Variants in CCAR2 observed in about 807,000 individuals in gnomAD.
CCAR2 encodes the protein cell cycle and apoptosis regulator protein 2.
CCAR2 carries 21 observed loss-of-function variants against 108.1 expected under a neutral mutation model. The ratio of observed to expected loss-of-function variants is 0.19; its 90% confidence interval spans 0.14 to 0.28. The LOEUF (loss-of-function observed/expected upper bound fraction) is 0.28. CCAR2 is among the 10% of genes least tolerant of loss of function. The probability of loss-of-function intolerance (pLI) is 1.00; values close to 1 mark genes in which losing one functional copy is unlikely to be tolerated. For missense variants in CCAR2, 1,126 were observed against 1,177.0 expected (o/e 0.96, Z 0.63); for synonymous variants, 577 against 472.8 (o/e 1.22, Z -2.86).
Position 22,614,409 on chromosome 8 carries a change from C to T in CCAR2, c.947C>T (p.Pro316Leu), listed in dbSNP as rs140105800. Residue 316 changes from proline (P) to leucine (L), a missense_variant, in exon 10 of 21, where the codon CCG becomes CTG. By Grantham distance (98) the Pro-to-Leu change is moderately conservative. Around this residue, in one of 4 missense-constraint regions of CCAR2, gnomAD observed 1,013 missense variants for 993.9 expected, o/e 1.02. Transcript: ENST00000308511. ...GCACAGGTACTGCTGCTCTCTTCCCCGGGGTTGGAGGAATTGTATCGTTGT... is the reference window on the plus strand; with the variant it reads ...GCACAGGTACTGCTGCTCTCTTCCCTGGGGTTGGAGGAATTGTATCGTTGT... ...YSSKVLLLSSPGLEELYRCCM... is the reference protein window; with the variant it reads ...YSSKVLLLSSLGLEELYRCCM... 4 of 1,614,044 alleles carry T rather than the reference C, an allele frequency of 2.5e-6. No homozygotes were observed. The highest frequency in any genetic ancestry group is 1.3e-5 in the African/African-American group (1 of 74,918).
chr8:22,611,914 T>A (rs1046484475), intron 7 of CCAR2, among the ~76,000 whole-genome samples: 1 of 151,978 alleles, frequency 6.6e-6, no homozygotes, highest in Non-Finnish European at 1.5e-5. Context: ...ATGACTTTAA[T>A]GTGTATTATT....
chr8:22,614,990 C>T lies in CCAR2; in HGVS notation c.1194C>T (p.Gly398=), dbSNP rs1431898325. 1.3e-6 allele frequency: 2 copies of T among 1,580,494 alleles called. No individual in the cohort carries two copies. Among genetic ancestry groups the T allele is most frequent in the Admixed American group, 3.7e-5 (2 of 54,778 alleles). ...AQAQTGIDLS[G]CTKWWRFAEF... is the part of the protein sequence containing the mutation. Reference sequence around the variant, plus strand: ...CCCAGACTGGCATTGATTTGAGCGGCTGTACCAAGTGGTGAGTGGGCTTCC... The same window carrying T: ...CCCAGACTGGCATTGATTTGAGCGGTTGTACCAAGTGGTGAGTGGGCTTCC... The change falls in exon 11 of 21, where the codon GGC becomes GGT. Residue 398 remains glycine (G), a synonymous_variant. Transcript: ENST00000308511.
intron 3 of CCAR2, 150 bp downstream of exon 3, chr8:22,606,326 G>C (rs1274542986): frequency 1.4e-6 from 1 of 727,202 alleles, no homozygotes; most frequent in Non-Finnish European, 2.3e-6. Flanking sequence ...ATAGCCTTCA[G>C]ACTGGGGCAT....
chr8:22,617,469 A>C lies in CCAR2; in HGVS notation c.1895A>C (p.Glu632Ala), dbSNP rs757612519. Reference protein sequence around the residue: ...PKPLSSGGEEEEKPRGEASED... With the variant: ...PKPLSSGGEEAEKPRGEASED... Reference sequence around the variant, plus strand: ...CCACTCTCTTCTGGGGGAGAGGAAGAAGAAAAACCCCGGGGCGAGGCTTCT... The same window carrying C: ...CCACTCTCTTCTGGGGGAGAGGAAGCAGAAAAACCCCGGGGCGAGGCTTCT... Residue 632 changes from glutamate (E) to alanine (A), a missense_variant, in exon 15 of 21, where the codon GAA (glutamate) becomes GCA (alanine). Glu to Ala is a moderately radical substitution (Grantham distance 107). Coordinates refer to ENST00000308511, the MANE Select transcript of CCAR2 (RefSeq NM_001393997.1). 6.2e-7 allele frequency: 1 copy of C among 1,601,898 alleles called. No individual in the cohort carries two copies. Among genetic ancestry groups the C allele is most frequent in the South Asian group, 1.1e-5 (1 of 89,270 alleles).
intron 7 of CCAR2, among the ~76,000 whole-genome samples, chr8:22,611,096 C>G (rs1006612411): frequency 6.6e-6 from 1 of 151,804 alleles, no homozygotes; most frequent in Non-Finnish European, 1.5e-5. Flanking sequence ...CGCGGTGGCT[C>G]ATGCCTGTAA....
At chr8:22,612,968 T>C (rs781681777) in intron 7 of CCAR2, 49 bp from the exon 8 acceptor site, 1 of 1,558,988 alleles carries the variant, frequency 6.4e-7, no homozygotes, top group Non-Finnish European at 8.7e-7. Flanking sequence ...TTGTATTGAA[T>C]ACATATAACA....
In CCAR2 at chr8:22,607,991, C is replaced by T; in HGVS notation, c.510C>T (p.Ser170=). 2 of 1,614,028 alleles carry T rather than the reference C, an allele frequency of 1.2e-6. No homozygotes were observed. Among genetic ancestry groups the T allele is most frequent in the South Asian group, 2.2e-5 (2 of 91,076 alleles). The change falls in exon 7 of 21, where the codon TCC becomes TCT. Residue 170 remains serine (S), a synonymous_variant. Coordinates refer to ENST00000308511, the MANE Select transcript of CCAR2 (RefSeq NM_001393997.1). ...PQKPLSLFQT[S]HTLHLSHLNR... The stretch of plus-strand genomic sequence containing the variant: ...CAGCTCTGAGTCTCTTCCAAACATC[C>T]CACACACTTCACCTGAGCCACCTGA...
rs747592725 is a variant in CCAR2 at position 22,617,481 on chromosome 8, G to A, written c.1907G>A (p.Arg636Gln). ...GGGGGAGAGGAAGAAGAAAAACCCC[G>A]GGGCGAGGCTTCTGAGGACCTGTGT... Reference protein sequence around the residue: ...SSGGEEEEKPRGEASEDLCEM... With the variant: ...SSGGEEEEKPQGEASEDLCEM... Residue 636 changes from arginine (R) to glutamine (Q), a missense_variant, in exon 15 of 21, where the codon CGG becomes CAG. Around this residue, in one of 4 missense-constraint regions of CCAR2, gnomAD observed 1,013 missense variants for 993.9 expected, o/e 1.02. Transcript: ENST00000308511. 5.6e-6 allele frequency: 9 copies of A among 1,604,520 alleles called. No homozygotes were observed. Among genetic ancestry groups the A allele is most frequent in the Admixed American group, 1.7e-5 (1 of 58,038 alleles).
chr8:22,615,755 C>G lies in CCAR2; in HGVS notation c.1451C>G (p.Thr484Ser), dbSNP rs1801478045. ...AADTSRRNAE[T>S]PEATTQQETD... ...GACACTTCTAGACGGAACGCAGAAACTCCAGAGGCCACCACACAGCAGGAA... is the reference window on the plus strand; with the variant it reads ...GACACTTCTAGACGGAACGCAGAAAGTCCAGAGGCCACCACACAGCAGGAA... The change falls in exon 13 of 21, where the codon ACT (threonine) becomes AGT (serine). Residue 484 changes from threonine (T) to serine (S), a missense_variant. Around this residue, in one of 4 missense-constraint regions of CCAR2, gnomAD observed 1,013 missense variants for 993.9 expected, o/e 1.02. Coordinates refer to ENST00000308511, the MANE Select transcript of CCAR2 (RefSeq NM_001393997.1). 6.2e-7 allele frequency: 1 copy of G among 1,613,814 alleles called. No homozygotes were observed. The highest frequency in any genetic ancestry group is 8.5e-7 in the Non-Finnish European group (1 of 1,180,028).
chr8:22,618,727 C>T lies in CCAR2; in HGVS notation c.2331C>T (p.Phe777=), dbSNP rs142871313. The T allele has an allele frequency of 4.6e-5, 74 of 1,613,946 alleles. No homozygotes were observed. The highest frequency in any genetic ancestry group is 1.7e-4 in the African/African-American group (13 of 75,060). Residue 777 remains phenylalanine, a splice_region_variant and synonymous_variant, in exon 18 of 21, where the codon TTC becomes TTT. Transcript: ENST00000308511. The part of the protein sequence containing the change: ...LDGGLPEEVL[F]GNLDLLPPPG... ...GTGGCCTTCCCGAGGAGGTGCTCTT[C>T]GGTATGTTCTGGGGCCCTGCAGCCT...
chr8:22,612,532 C>T lies in CCAR2; in HGVS notation c.585-485C>T, dbSNP rs996703564. On this transcript the variant is annotated intron_variant, in intron 7 of 20. Coordinates refer to ENST00000308511, the MANE Select transcript of CCAR2 (RefSeq NM_001393997.1). ...CTGCCCGCCTTGGCCTCCCAAAGTG[C>T]TGGGATCACAGGCGTGAGCCACCGC... Among the ~76,000 whole-genome samples the T allele has an allele frequency of 3.3e-5, 5 of 152,316 alleles. No individual in the cohort carries two copies. The South Asian group carries it at 6.2e-4, about 19-fold the overall frequency.
chr8:22,610,430 G>T, intron 7 of CCAR2, among the ~76,000 whole-genome samples: 1 of 152,232 alleles, frequency 6.6e-6, no homozygotes, highest in Non-Finnish European at 1.5e-5. Flanking sequence ...TGAGAGGTCA[G>T]CCCCTGGTGC....
rs772630617 is a variant in CCAR2 at position 22,618,394 on chromosome 8, C to T, written c.2119C>T (p.Leu707Phe). The part of the protein sequence containing the change: ...PSAVLPLDCL[L>F]AFVFFDANWC... ...TGCTGTGCTCCCCTTAGACTGTCTG[C>T]TTGCTTTTGTGTTCTTTGATGCCAA... The change falls in exon 17 of 21, where the codon CTT becomes TTT. Residue 707 changes from leucine (L) to phenylalanine (F), a missense_variant. Leu to Phe is a conservative substitution (Grantham distance 22, BLOSUM62 0). Around this residue, in one of 4 missense-constraint regions of CCAR2, gnomAD observed 1,013 missense variants for 993.9 expected, o/e 1.02. Transcript: ENST00000308511. 1.2e-6 allele frequency: 2 copies of T among 1,614,218 alleles called. No individual in the cohort carries two copies. The highest frequency in any genetic ancestry group is 8.5e-7 in the Non-Finnish European group (1 of 1,180,032).
chr8:22,604,836 C>T lies in CCAR2; in HGVS notation c.-45C>T, dbSNP rs952472116. On this transcript the variant is annotated 5_prime_UTR_variant, in exon 1 of 21. Coordinates refer to ENST00000308511, the MANE Select transcript of CCAR2 (RefSeq NM_001393997.1). ...TGTCCCCCCGGTGTCGCTGCCCTGG[C>T]CCGCAGGTGGGTTGGGGGGCCCCCT... The T allele has an allele frequency of 1.1e-5, 5 of 454,084 alleles. No homozygotes were observed. The highest frequency in any genetic ancestry group is 8.0e-5 in the African/African-American group (4 of 49,950). 28.1% of individuals were successfully genotyped at this position (454,084 alleles called of 1,614,324 possible). A position where few individuals can be genotyped will look rare whatever the true frequency, so the allele number is the denominator to read the frequency against.
At chr8:22,617,259 ATCCCACT>A in intron 14 of CCAR2, 154 bp from the exon 15 acceptor site, 1 of 825,016 alleles carries the variant, frequency 1.2e-6, no homozygotes, top group Non-Finnish European at 1.8e-6. Context: ...CATGCTCTGA[ATCCCACT>A]TAATGAAATT....
Position 22,613,155 on chromosome 8 carries a change from G to C in CCAR2, c.704+19G>C, listed in dbSNP as rs1347025229. 6.4e-7 allele frequency: 1 copy of C among 1,552,890 alleles called. No homozygotes were observed. Among genetic ancestry groups the C allele is most frequent in the Non-Finnish European group, 8.7e-7 (1 of 1,148,314 alleles). On this transcript the variant is annotated intron_variant, in intron 8 of 20. Transcript: ENST00000308511. ...TGGACAGGTGAGTGGCGAGGCTGAGGTGGGCTGAGTCTTGCTGCTGGTAAT... is the reference window on the plus strand; with the variant it reads ...TGGACAGGTGAGTGGCGAGGCTGAGCTGGGCTGAGTCTTGCTGCTGGTAAT...
chr8:22,618,296 G>C (rs1801603310), intron 16 of CCAR2, 53 bp from the exon 17 acceptor site: 3 of 1,611,528 alleles, frequency 1.9e-6, no homozygotes, highest in Non-Finnish European at 2.5e-6. Flanking sequence ...CTGGGCGATA[G>C]AGCCACTGAG....
At chr8:22,605,007 G>A (rs1801010199) in intron 1 of CCAR2, 165 bp downstream of exon 1, 1 of 308,276 alleles carries the variant, frequency 3.2e-6, no homozygotes, top group African/African-American at 2.4e-5. Flanking sequence ...CCTCGGCCTT[G>A]GGGGCGGGCG....
chr8:22,611,386 A>ATGTGTGTGTGTGTGTGTGTGTGTG (rs200942064), intron 7 of CCAR2, among the ~76,000 whole-genome samples: 13 of 9,024 alleles, frequency 1.4e-3, no homozygotes, highest in African/African-American at 3.9e-3. Flanking sequence ...AAAAGTATAT[A>ATGTGTGTGTGTGTGTGTGTGTGTG]TATGTGTGTG....
Sources: allele counts gnomAD v4.1 joint callset (sites outside exome capture counted in the v4.1 genomes callset), GRCh38; gene constraint gnomAD v4.1.1; regional missense constraint gnomAD v4.1.1; transcripts MANE v1.5; gene names NCBI Gene and HGNC (gene_info 2026-07-23, HGNC 2026-07-21).